Variants in NGDN observed in about 807,000 individuals in gnomAD.
NGDN encodes EIF4E-binding protein.
Under a neutral mutation model 45.2 loss-of-function variants are expected in NGDN, and 41 were observed. That is an observed-to-expected ratio of 0.91 (90% CI 0.71 to 1.18). The LOEUF is 1.18. NGDN is among the 50% of genes most tolerant of loss of function. The pLI, the probability that NGDN is intolerant of heterozygous loss-of-function variation, is 0.00. For synonymous variants in NGDN, 137 were observed against 130.9 expected (o/e 1.05, Z -0.32); for missense variants, 402 against 399.9 (o/e 1.01, Z -0.05).
chr14:23,478,375 T>C (rs1360089785), downstream of NGDN: 1 of 254,776 alleles, frequency 3.9e-6, no homozygotes, highest in African/African-American at 2.3e-5. Context: ...TATAATCAAC[T>C]CTTTCAACCC....
intron 3 of NGDN, among the ~76,000 whole-genome samples, chr14:23,473,735 G>C (rs1893836483): frequency 6.6e-6 from 1 of 152,142 alleles, no homozygotes; most frequent in South Asian, 2.1e-4. Context: ...ATAAAGACAA[G>C]AAGGGAATAT....
intron 5 of NGDN, 31 bp from the exon 6 acceptor site, chr14:23,475,695 T>G: frequency 6.2e-7 from 1 of 1,614,030 alleles, no homozygotes; most frequent in Non-Finnish European, 8.5e-7. Context: ...AGTTCCAAAT[T>G]TTGTAAAATT....
At chr14:23,471,700 A>G (rs1331458884) in intron 3 of NGDN, 1 of 151,940 alleles carries the variant, frequency 6.6e-6, no homozygotes, top group Non-Finnish European at 1.5e-5. Context: ...AGTCCTAGCC[A>G]CTCAGGAGGC....
chr14:23,475,535 C>T (rs199863159), intron 4 of NGDN, 23 bp from the exon 5 acceptor site: 27 of 1,608,590 alleles, frequency 1.7e-5, no homozygotes, highest in Non-Finnish European at 2.2e-5. Flanking sequence ...GAAATATAAT[C>T]CTGATTAACT....
intron 2 of NGDN, chr14:23,470,320 T>G (rs543856337): frequency 2.6e-5 from 14 of 537,156 alleles, no homozygotes; most frequent in South Asian, 2.0e-4. Context: ...ATAGTTTTCC[T>G]TTATTCATAT....
chr14:23,475,877 G>T, intron 6 of NGDN, 99 bp downstream of exon 6: 1 of 1,471,188 alleles, frequency 6.8e-7, no homozygotes, highest in South Asian at 1.2e-5. Context: ...CTTAGGACTT[G>T]ATTTTCCAAC....
intron 6 of NGDN, 69 bp downstream of exon 6, chr14:23,475,847 C>T (rs1362100338): frequency 6.7e-7 from 1 of 1,496,030 alleles, no homozygotes; most frequent in East Asian, 2.3e-5. Flanking sequence ...TCTTGGTGAT[C>T]CTGGATACCC....
At chr14:23,472,204 A>G (rs1019210225) in intron 3 of NGDN, among the ~76,000 whole-genome samples, 10 of 148,960 alleles carry the variant, frequency 6.7e-5, no homozygotes, top group Non-Finnish European at 1.0e-4. Flanking sequence ...AAAAAAAAAA[A>G]GGCCAGGCTA....
intron 5 of NGDN, 35 bp from the exon 6 acceptor site, chr14:23,475,691 A>C: frequency 6.2e-7 from 1 of 1,614,052 alleles, no homozygotes; most frequent in Non-Finnish European, 8.5e-7. Context: ...AGAAAGTTCC[A>C]AATTTTGTAA....
chr14:23,474,251 C>G (rs372003077), intron 3 of NGDN, among the ~76,000 whole-genome samples: 9 of 152,230 alleles, frequency 5.9e-5, no homozygotes, highest in East Asian at 3.9e-4. Flanking sequence ...GAGTTTGAAT[C>G]TTAGCTCTAC....
At position 23,475,572 on chromosome 14, in the gene NGDN, T is replaced by G. The variant is rs1310137330; in HGVS notation, c.297T>G (p.Leu99=). 6.2e-7 allele frequency: 1 copy of G among 1,614,054 alleles called. No individual in the cohort carries two copies. The highest frequency in any genetic ancestry group is 8.5e-7 in the Non-Finnish European group (1 of 1,179,998). ...LVEIRTVLEK[L]RPLDQKLKYQ... ...CCATGTTGTAGGTTTTGGAAAAGCT[T>G]CGTCCCTTGGACCAAAAGCTGAAGT... The change falls in exon 5 of 11, where the codon CTT becomes CTG. Residue 99 remains leucine, a synonymous_variant. Transcript: ENST00000408901.
intron 3 of NGDN, among the ~76,000 whole-genome samples, chr14:23,471,984 G>T (rs1012122539): frequency 4.0e-5 from 6 of 151,704 alleles, no homozygotes; most frequent in African/African-American, 1.5e-4. Context: ...TGAGCCCATG[G>T]GTTTGAGACC....
In NGDN at chr14:23,470,096, G is replaced by A. The variant is rs138567688; in HGVS notation, c.67G>A (p.Glu23Lys). 5,217 of 1,613,870 alleles carry A rather than the reference G, an allele frequency of 3.2e-3. 15 individuals carry two copies. Among genetic ancestry groups the A allele is most frequent in the Non-Finnish European group, 4.1e-3 (4,856 of 1,179,774 alleles). Residue 23 changes from glutamate (E) to lysine (K), a missense_variant, in exon 2 of 11, where the codon GAG (glutamate) becomes AAG (lysine). Transcript: ENST00000408901. The part of the protein sequence containing the change: ...SAVTLLKNLQ[E>K]QVMAVTAQVK... ...CGTGACACTTCTGAAAAATCTCCAG[G>A]AGCAAGTGAGTAGTGTCGCCTCTGG...
chr14:23,469,977 G>C, intron 1 of NGDN, 65 bp from the exon 2 acceptor site: 1 of 1,562,652 alleles, frequency 6.4e-7, no homozygotes, highest in Non-Finnish European at 8.8e-7. Context: ...CACCCTAGAC[G>C]TTCCACTTTC....
In NGDN at chr14:23,469,743, T is replaced by A. The variant is rs765768688; in HGVS notation, c.12+16T>A. On this transcript the variant is annotated intron_variant, in intron 1 of 10. Coordinates refer to ENST00000408901, the MANE Select transcript of NGDN (RefSeq NM_001042635.2). ...GGCGGCGCTGGTGAGTTTGGTGTGGTTTCTTCCTCGCGTAGCTATTGTGGA... is the reference window on the plus strand; with the variant it reads ...GGCGGCGCTGGTGAGTTTGGTGTGGATTCTTCCTCGCGTAGCTATTGTGGA... 5.6e-6 allele frequency: 9 copies of A among 1,613,980 alleles called. No homozygotes were observed. The highest frequency in any genetic ancestry group is 7.6e-6 in the Non-Finnish European group (9 of 1,179,986).
intron 3 of NGDN, among the ~76,000 whole-genome samples, chr14:23,471,825 A>G (rs61977684): frequency 7.0e-6 from 1 of 142,466 alleles, no homozygotes; most frequent in Non-Finnish European, 1.5e-5. Flanking sequence ...AAAAAAAAAA[A>G]TTGCTTATGA....
At chr14:23,475,849 T>G in intron 6 of NGDN, 71 bp downstream of exon 6, 1 of 1,503,102 alleles carries the variant, frequency 6.7e-7, no homozygotes, top group Non-Finnish European at 9.1e-7. Flanking sequence ...TTGGTGATCC[T>G]GGATACCCTG....
Position 23,476,372 on chromosome 14 carries a change from C to G in NGDN, c.678C>G (p.Pro226=). Residue 226 remains proline (P), a synonymous_variant, in exon 8 of 11, where the codon CCC becomes CCG. Coordinates refer to ENST00000408901, the MANE Select transcript of NGDN (RefSeq NM_001042635.2). ...AGGAAATCCGTGATGCTCGGCATCC[C>G]CATGTTACCCGCCAGAGTCAGGAGG... ...APEEIRDARH[P]HVTRQSQEDQ... 6.2e-7 allele frequency: 1 copy of G among 1,612,458 alleles called. No homozygotes were observed. Among genetic ancestry groups the G allele is most frequent in the Non-Finnish European group, 8.5e-7 (1 of 1,179,918 alleles).
At chr14:23,472,182 T>TAAAA (rs78085081) in intron 3 of NGDN, among the ~76,000 whole-genome samples, 2 of 82,106 alleles carry the variant, frequency 2.4e-5, no homozygotes. Flanking sequence ...GAGACTGTCT[T>TAAAA]AAAAAAAAAA....
Sources: allele counts gnomAD v4.1 joint callset (sites outside exome capture counted in the v4.1 genomes callset), GRCh38; gene constraint gnomAD v4.1.1; transcripts MANE v1.5; gene names NCBI Gene and HGNC (gene_info 2026-07-23, HGNC 2026-07-21).